Variants in WDR27 observed in about 807,000 individuals in gnomAD.
WDR27 encodes WD repeat domain 27, also known as WD repeat-containing protein 27.
A neutral mutation model predicts 114.4 loss-of-function variants in WDR27; 100 were observed. The observed-to-expected ratio is 0.87, with a 90% CI of 0.74 to 1.03. The LOEUF (loss-of-function observed/expected upper bound fraction) is 1.03, where lower values mean the gene tolerates loss of function less well. Ranked by LOEUF, WDR27 falls within the 50% of genes least tolerant of loss-of-function variation. WDR27 has a pLI of 0.00. For synonymous variants in WDR27, 449 were observed against 423.1 expected, an observed-to-expected ratio of 1.06 and a Z score of -0.75; for missense variants, 1,129 against 1,092.9, an observed-to-expected ratio of 1.03 and a Z score of -0.47.
chr6:169,468,658 C>A (rs1785927833), intron 25 of WDR27, among the ~76,000 whole-genome samples: 2 of 152,108 alleles, frequency 1.3e-5, no homozygotes, highest in African/African-American at 4.8e-5. Context: ...AGCTGTCCAC[C>A]AAATATTAAC....
intron 25 of WDR27, among the ~76,000 whole-genome samples, chr6:169,569,693 A>G (rs1043612811): frequency 1.3e-5 from 2 of 152,226 alleles, no homozygotes; most frequent in Admixed American, 6.5e-5. Flanking sequence ...CAGATCTTTT[A>G]AAATATCAAC....
intron 25 of WDR27, among the ~76,000 whole-genome samples, chr6:169,531,338 C>T (rs1795564982): frequency 6.6e-6 from 1 of 152,172 alleles, no homozygotes; most frequent in African/African-American, 2.4e-5. Flanking sequence ...GTAAAGATTA[C>T]TGCCTTTCAA....
chr6:169,476,338 G>A (rs1185358633), intron 25 of WDR27, among the ~76,000 whole-genome samples: 1 of 152,176 alleles, frequency 6.6e-6, no homozygotes. Context: ...ATTGTGTCTT[G>A]AGTTAAAAGA....
intron 4 of WDR27, chr6:169,668,486 GC>G: frequency 9.1e-6 from 3 of 329,942 alleles, no homozygotes; most frequent in Middle Eastern, 1.9e-3. Context: ...TCCACCTAGG[GC>G]TTCCTACAAG....
intron 25 of WDR27, among the ~76,000 whole-genome samples, chr6:169,498,985 G>C (rs187070959): frequency 6.6e-6 from 1 of 152,296 alleles, no homozygotes; most frequent in East Asian, 1.9e-4. Flanking sequence ...ACACGAGTAC[G>C]AGTCAAAAGG....
chr6:169,670,265 G>A (rs1246871677), intron 4 of WDR27: 2 of 227,608 alleles, frequency 8.8e-6, no homozygotes, highest in African/African-American at 4.6e-5. Context: ...TGCTAGGAAG[G>A]ATGCCTACAA....
At chr6:169,642,607 T>C (rs972147807) in intron 17 of WDR27, among the ~76,000 whole-genome samples, 1 of 152,088 alleles carries the variant, frequency 6.6e-6, no homozygotes, top group African/African-American at 2.4e-5. Context: ...ACCCAGACCA[T>C]GCAGGGGGCG....
intron 25 of WDR27, among the ~76,000 whole-genome samples, chr6:169,550,054 G>A (rs1436788096): frequency 6.6e-6 from 1 of 152,096 alleles, no homozygotes; most frequent in East Asian, 1.9e-4. Context: ...GTCAATGTAG[G>A]TTCATCAACA....
rs372882490 is a variant in WDR27 at position 169,582,962 on chromosome 6, A to G, written c.2425-28T>C. On this transcript the variant is annotated intron_variant, in intron 23 of 25. Coordinates refer to ENST00000448612, the MANE Select transcript of WDR27 (RefSeq NM_182552.5). ...ACAAGACAAGATGAGCAGGTGTGCC[A>G]TGTTAACTCAGAGTCAGGAATCACC... 1.4e-4 allele frequency: 221 copies of G among 1,604,542 alleles called. No individual in the cohort carries two copies. The South Asian group carries it at 1.4e-3, about 10-fold the overall frequency.
chr6:169,448,401 T>TGTGG, the WDR27 span, among the ~76,000 whole-genome samples: 199 of 149,750 alleles, frequency 1.3e-3, 2 homozygotes, highest in African/African-American at 4.3e-3. Flanking sequence ...TATGTGTGTG[T>TGTGG]GTGTGTGTGT....
intron 24 of WDR27, among the ~76,000 whole-genome samples, chr6:169,575,965 A>C (rs749800636): frequency 2.0e-5 from 3 of 152,266 alleles, no homozygotes; most frequent in Non-Finnish European, 4.4e-5. Flanking sequence ...AAGGCTTCTA[A>C]GCCCATCTGC....
At chr6:169,673,308 T>C (rs1464556467) in intron 2 of WDR27, among the ~76,000 whole-genome samples, 1 of 152,068 alleles carries the variant, frequency 6.6e-6, no homozygotes, top group Non-Finnish European at 1.5e-5. Flanking sequence ...ATGAGAGATA[T>C]CACTGGAGAA....
intron 6 of WDR27, among the ~76,000 whole-genome samples, 195 bp from the exon 7 acceptor site, chr6:169,665,751 C>T (rs1827681891): frequency 6.6e-6 from 1 of 151,936 alleles, no homozygotes; most frequent in Non-Finnish European, 1.5e-5. Context: ...TTGAAAACCC[C>T]ATAAACACAA....
intron 10 of WDR27, 143 bp downstream of exon 10, chr6:169,660,520 A>T (rs1057116628): frequency 9.9e-6 from 7 of 703,838 alleles, no homozygotes; most frequent in Non-Finnish European, 1.7e-5. Flanking sequence ...AGAGGTGCTC[A>T]CGTGCTCAAT....
chr6:169,531,121 G>T (rs963577816), intron 25 of WDR27, among the ~76,000 whole-genome samples: 11 of 152,226 alleles, frequency 7.2e-5, no homozygotes, highest in Non-Finnish European at 1.6e-4. Context: ...CATTAAATAT[G>T]TGTTGAATGA....
At position 169,654,035 on chromosome 6, in the gene WDR27, GT is replaced by G. The variant is rs542475215; in HGVS notation, c.1403-2028del. On this transcript the variant is annotated intron_variant, in intron 13 of 25. Coordinates refer to ENST00000448612, the MANE Select transcript of WDR27 (RefSeq NM_182552.5). ...CGCAAATCTCCTTTGAGAGAACACAGTGCACTTCATTCAGTTCCAAAAAACA... is the reference window on the plus strand; with the variant it reads ...CGCAAATCTCCTTTGAGAGAACACAGGCACTTCATTCAGTTCCAAAAAACA... 3.3e-5 allele frequency among the ~76,000 whole-genome samples: 5 copies of G among 152,308 alleles called. No homozygotes were observed. In the East Asian group the frequency reaches 7.7e-4, roughly 24 times the overall value.
chr6:169,667,427 G>A, intron 5 of WDR27: 1 of 977,158 alleles, frequency 1.0e-6, no homozygotes, highest in Non-Finnish European at 1.2e-6. Context: ...TGAAGAATTG[G>A]AAACAAAAAT....
intron 25 of WDR27, among the ~76,000 whole-genome samples, chr6:169,545,380 A>G (rs117234959): frequency 6.6e-6 from 1 of 152,316 alleles, no homozygotes; most frequent in East Asian, 1.9e-4. Flanking sequence ...AGAAGAATCT[A>G]TAAAAGGAAA....
At chr6:169,678,173 T>C (rs1399960169) in intron 2 of WDR27, among the ~76,000 whole-genome samples, 2 of 152,214 alleles carry the variant, frequency 1.3e-5, no homozygotes, top group East Asian at 1.9e-4. Context: ...GCTTACACCC[T>C]GCTCCTAGAA....
Sources: gnomAD v4.1 joint callset for allele counts (sites outside exome capture counted in the v4.1 genomes callset) on GRCh38, gnomAD v4.1.1 for gene constraint, MANE v1.5 for transcripts, NCBI Gene and HGNC (gene_info 2026-07-23, HGNC 2026-07-21) for gene names.